Variants in CREB3L2 observed in about 807,000 individuals in gnomAD.
CREB3L2 encodes cAMP responsive element binding protein 3 like 2, also known as cyclic AMP-responsive element-binding protein 3-like protein 2.
Under a neutral mutation model 57.2 loss-of-function variants are expected in CREB3L2, and 23 were observed. The ratio of observed to expected loss-of-function variants is 0.40; its 90% CI spans 0.29 to 0.57. The LOEUF (loss-of-function observed/expected upper bound fraction) is 0.57. Ranked by LOEUF, CREB3L2 falls within the 20% of genes least tolerant of loss-of-function variation. The pLI is 0.42. For synonymous variants in CREB3L2, 268 were observed against 265.1 expected, an observed-to-expected ratio of 1.01 and a Z score of -0.11; for missense variants, 628 against 634.7, an observed-to-expected ratio of 0.99 and a Z score of 0.11.
chr7:137,972,484 T>C (rs1801523390), intron 1 of CREB3L2, among the ~76,000 whole-genome samples: 1 of 151,146 alleles, frequency 6.6e-6, no homozygotes. Context: ...TTTTTGCTTG[T>C]TTTTTAGTTT....
chr7:137,912,653 G>A (rs1468040036), intron 4 of CREB3L2, among the ~76,000 whole-genome samples: 1 of 152,144 alleles, frequency 6.6e-6, no homozygotes, highest in Non-Finnish European at 1.5e-5. Context: ...GGCTACGTAG[G>A]GTTCACGCCT....
At chr7:137,892,387 A>G (rs952381740) in intron 8 of CREB3L2, among the ~76,000 whole-genome samples, 1 of 151,856 alleles carries the variant, frequency 6.6e-6, no homozygotes, top group Non-Finnish European at 1.5e-5. Context: ...ACGGTAGCTC[A>G]TGCCTATAAT....
Position 137,882,417 on chromosome 7 carries a change from C to T in CREB3L2, c.1482G>A (p.Gln494=). ...LEKSVLLELQ[Q]HLVSAKLEGN... ...TCTGTGTCTCTATGACTCACAGGTGCTGCTGCAGCTCCAAAAGCACTGACT... is the reference window on the plus strand; with the variant it reads ...TCTGTGTCTCTATGACTCACAGGTGTTGCTGCAGCTCCAAAAGCACTGACT... Residue 494 remains glutamine (Q), a synonymous_variant, in exon 11 of 12, where the codon CAG becomes CAA. Transcript: ENST00000330387. The T allele has an allele frequency of 2.5e-6, 4 of 1,611,738 alleles. No individual in the cohort carries two copies. The highest frequency in any genetic ancestry group is 3.4e-6 in the Non-Finnish European group (4 of 1,178,274).
chr7:137,971,879 T>C (rs1265663481), intron 1 of CREB3L2, among the ~76,000 whole-genome samples: 1 of 151,640 alleles, frequency 6.6e-6, no homozygotes, highest in African/African-American at 2.4e-5. Context: ...TAAAAAGTGA[T>C]AGATAGGCTG....
intron 4 of CREB3L2, among the ~76,000 whole-genome samples, chr7:137,909,099 CAAAAAGCCGGAGTGGCTGCTTTGA>C (rs1315198664): frequency 6.6e-6 from 1 of 152,164 alleles, no homozygotes; most frequent in Non-Finnish European, 1.5e-5. Flanking sequence ...GAATCCATCT[CAAAAAGCCGGAGTGGCTGCTTTGA>C]AAAAAGCCGG....
At chr7:137,886,314 C>T (rs1799418449) in intron 8 of CREB3L2, among the ~76,000 whole-genome samples, 1 of 152,028 alleles carries the variant, frequency 6.6e-6, no homozygotes, top group South Asian at 2.1e-4. Context: ...CAGAGAACAA[C>T]AGAAGGAGTG....
In CREB3L2 at chr7:137,880,256, G is replaced by C; in HGVS notation, c.*220C>G. ...TTCCTATGGCAGTAAGAGAAAGGAA[G>C]GGAGGGATGCAGGCTCCCTTCTGCA... On this transcript the variant is annotated 3_prime_UTR_variant, in exon 12 of 12. Coordinates refer to ENST00000330387, the MANE Select transcript of CREB3L2 (RefSeq NM_194071.4). The surrounding 1 kb of genome is among the most constrained non-coding windows in gnomAD (Gnocchi z 4.0). 7.1e-6 allele frequency: 4 copies of C among 565,624 alleles called. No homozygotes were observed. The East Asian group carries it at 1.2e-4, about 16-fold the overall frequency. The allele number at this position is 565,624 out of a possible 1,614,324, so 35.0% of individuals were successfully genotyped here.
At chr7:137,998,265 C>T (rs1289963350) in intron 1 of CREB3L2, among the ~76,000 whole-genome samples, 1 of 152,222 alleles carries the variant, frequency 6.6e-6, no homozygotes, top group Non-Finnish European at 1.5e-5. Context: ...CCTTGGGTAA[C>T]TTGAACATTC....
intron 3 of CREB3L2, 72 bp downstream of exon 3, chr7:137,915,765 C>G: frequency 7.3e-7 from 1 of 1,376,844 alleles, no homozygotes; most frequent in South Asian, 1.3e-5. Context: ...AGATTAAACA[C>G]CTTATTGGAG....
At position 137,877,782 on chromosome 7, in the gene CREB3L2, A is replaced by G. The variant is rs1799191313; in HGVS notation, c.*2694T>C. On this transcript the variant is annotated 3_prime_UTR_variant, in exon 12 of 12. Transcript: ENST00000330387. ...ATCATAAGTTAATGACTAGTCTAAG[A>G]GGCCACTTGGTGGGGAAAACAAATC... 1 of 228,762 alleles carries G rather than the reference A, an allele frequency of 4.4e-6. No individual in the cohort carries two copies. Among genetic ancestry groups the G allele is most frequent in the African/African-American group, 2.2e-5 (1 of 45,112 alleles). The allele number at this position is 228,762 out of a possible 1,614,324, so 14.2% of individuals were successfully genotyped here.
rs182150690 is a variant in CREB3L2 at position 138,001,660 on chromosome 7, G to T, written c.46C>A (p.Arg16Ser). The T allele has an allele frequency of 1.2e-6, 2 of 1,613,290 alleles. No individual in the cohort carries two copies. Among genetic ancestry groups the T allele is most frequent in the Non-Finnish European group, 1.7e-6 (2 of 1,179,822 alleles). Residue 16 changes from arginine (R) to serine (S), a missense_variant, in exon 1 of 12, where the codon CGC becomes AGC. Around this residue, in one of 3 missense-constraint regions of CREB3L2, gnomAD observed 339 missense variants for 355.4 expected, o/e 0.95. Coordinates refer to ENST00000330387, the MANE Select transcript of CREB3L2 (RefSeq NM_194071.4). The surrounding 1 kb of genome is among the most constrained non-coding windows in gnomAD (Gnocchi z 4.2). The stretch of plus-strand genomic sequence containing the variant: ...GGCTCTGACAGCTCGCTCAGCTTGC[G>T]GTCCCACTGCAGCACGCCCTGCTCC... Reference protein sequence around the residue: ...SGEQGVLQWDRKLSELSEPGD... With the variant: ...SGEQGVLQWDSKLSELSEPGD...
In CREB3L2 at chr7:137,885,463, C is replaced by T. The variant is rs1190267063; in HGVS notation, c.1083G>A (p.Val361=). The change falls in exon 9 of 12, where the codon GTG becomes GTA. Residue 361 remains valine (V), a synonymous_variant. Transcript: ENST00000330387. ...LQQLQKLQTL[V]MGKVSRTCKL... is the part of the protein sequence containing the mutation. ...TGCAGGTTCGAGAAACCTTGCCCATCACCAAAGTCTGAAGCTTCTGGAGTT... is the reference window on the plus strand; with the variant it reads ...TGCAGGTTCGAGAAACCTTGCCCATTACCAAAGTCTGAAGCTTCTGGAGTT... 6.2e-7 allele frequency: 1 copy of T among 1,614,034 alleles called. No individual in the cohort carries two copies. The highest frequency in any genetic ancestry group is 8.5e-7 in the Non-Finnish European group (1 of 1,180,018).
intron 1 of CREB3L2, among the ~76,000 whole-genome samples, chr7:137,954,452 A>C (rs1585655224): frequency 6.6e-6 from 1 of 152,204 alleles, no homozygotes; most frequent in South Asian, 2.1e-4. Flanking sequence ...CCCTGTTCTA[A>C]CTATAATGGC....
intron 8 of CREB3L2, among the ~76,000 whole-genome samples, chr7:137,888,591 C>T (rs2117181302): frequency 6.6e-6 from 1 of 152,194 alleles, no homozygotes; most frequent in East Asian, 1.9e-4. Context: ...TGGGTTCTCC[C>T]TGCTGATATT....
At chr7:137,984,869 G>C (rs1157309464) in intron 1 of CREB3L2, among the ~76,000 whole-genome samples, 1 of 152,188 alleles carries the variant, frequency 6.6e-6, no homozygotes, top group Non-Finnish European at 1.5e-5. Flanking sequence ...CTCCCAAATT[G>C]CAAACTCTTC....
intron 2 of CREB3L2, among the ~76,000 whole-genome samples, chr7:137,923,610 T>C (rs1800384085): frequency 6.6e-6 from 1 of 152,248 alleles, no homozygotes; most frequent in Non-Finnish European, 1.5e-5. Flanking sequence ...ATTTCTGTGA[T>C]TTTCAAGTCT....
At chr7:137,941,446 C>T (rs1395675048) in intron 1 of CREB3L2, among the ~76,000 whole-genome samples, 3 of 152,218 alleles carry the variant, frequency 2.0e-5, no homozygotes, top group Non-Finnish European at 4.4e-5. Flanking sequence ...TAGCCATTGG[C>T]TGTCCGCTCC....
At chr7:137,947,115 C>T (rs1330870649) in intron 1 of CREB3L2, among the ~76,000 whole-genome samples, 2 of 149,004 alleles carry the variant, frequency 1.3e-5, no homozygotes, top group African/African-American at 5.0e-5. Context: ...TCTCTCTCTT[C>T]CCTCCACTCT....
chr7:137,922,453 T>TATATACAC (rs1554498063), intron 2 of CREB3L2: 6 of 72,580 alleles, frequency 8.3e-5, no homozygotes, highest in African/African-American at 3.8e-4. Flanking sequence ...TATATATATA[T>TATATACAC]ACACACATAT....
Sources: allele counts gnomAD v4.1 joint callset (sites outside exome capture counted in the v4.1 genomes callset), GRCh38; gene constraint gnomAD v4.1.1; regional missense constraint gnomAD v4.1.1; non-coding constraint Gnocchi (gnomAD v3.1); transcripts MANE v1.5; gene names NCBI Gene and HGNC (gene_info 2026-07-23, HGNC 2026-07-21).